The following CACNA1B variants were observed in gnomAD, a reference collection of about 807,000 sequenced individuals.
CACNA1B encodes the protein calcium voltage-gated channel subunit alpha1 B, also known as voltage-dependent N-type calcium channel subunit alpha-1B.
CACNA1B carries 70 observed loss-of-function variants against 247.2 expected under a neutral mutation model. That is an observed-to-expected ratio of 0.28 (90% CI 0.23 to 0.35). The LOEUF is 0.35. Ranked by LOEUF, CACNA1B falls within the 10% of genes least tolerant of loss-of-function variation. The probability of loss-of-function intolerance (pLI) is 1.00; values close to 1 mark genes in which losing one functional copy is unlikely to be tolerated. For missense variants in CACNA1B, 2,367 were observed against 3,197.4 expected (o/e 0.74, Z 6.26); for synonymous variants, 1,231 against 1,294.4 (o/e 0.95, Z 1.05).
intron 38 of CACNA1B, among the ~76,000 whole-genome samples, chr9:138,104,971 C>T (rs1961373588): frequency 6.6e-6 from 1 of 152,260 alleles, no homozygotes; most frequent in Non-Finnish European, 1.5e-5. Context: ...GGCTGTCCAC[C>T]TGAGAGGGAG....
rs183756655 is a variant in CACNA1B at position 138,095,136 on chromosome 9, T to G, written c.5095-1348T>G. 5.0e-3 allele frequency among the ~76,000 whole-genome samples: 758 copies of G among 152,344 alleles called. 8 individuals carry two copies. The highest frequency in any genetic ancestry group is 0.017 in the African/African-American group (718 of 41,586). On this transcript the variant is annotated intron_variant, in intron 36 of 46. Transcript: ENST00000371372. ...TAGACTACATCAAAATTTAAAATTT[T>G]TGTACGTCAAAGGACATTATCAAAT...
At chr9:137,901,804 C>T (rs1446634276) in intron 3 of CACNA1B, among the ~76,000 whole-genome samples, 1 of 151,674 alleles carries the variant, frequency 6.6e-6, no homozygotes, top group African/African-American at 2.4e-5. Context: ...ATTCTCCTGC[C>T]TCAGCCTCTT....
chr9:137,956,719 G>A (rs1400958753), intron 8 of CACNA1B, 52 bp from the exon 9 acceptor site: 3 of 1,539,916 alleles, frequency 1.9e-6, no homozygotes, highest in African/African-American at 1.4e-5. Flanking sequence ...TCTGTCCTGG[G>A]GCATTCCTGG....
chr9:137,983,083 G>T (rs955187431), intron 12 of CACNA1B, among the ~76,000 whole-genome samples: 2 of 152,216 alleles, frequency 1.3e-5, no homozygotes, highest in Admixed American at 6.5e-5. Flanking sequence ...CAGTGACTTC[G>T]TAAGAGCATT....
chr9:137,951,854 C>A (rs1342947964), intron 6 of CACNA1B, among the ~76,000 whole-genome samples: 1 of 152,224 alleles, frequency 6.6e-6, no homozygotes, highest in Non-Finnish European at 1.5e-5. Context: ...GGACTTGGGC[C>A]TGTGGGCCCC....
At chr9:137,956,738 G>A in intron 8 of CACNA1B, 33 bp from the exon 9 acceptor site, 4 of 1,602,148 alleles carry the variant, frequency 2.5e-6, no homozygotes, top group Non-Finnish European at 3.4e-6. Flanking sequence ...GGGGTCAGGA[G>A]GGCTCTGACC....
At chr9:137,924,098 GT>G (rs1418087284) in intron 6 of CACNA1B, among the ~76,000 whole-genome samples, 1 of 151,986 alleles carries the variant, frequency 6.6e-6, no homozygotes, top group African/African-American at 2.4e-5. Flanking sequence ...TGGAACAAAT[GT>G]TTTTAAAATT....
At chr9:138,074,734 G>A (rs1454517637) in intron 34 of CACNA1B, among the ~76,000 whole-genome samples, 3 of 152,248 alleles carry the variant, frequency 2.0e-5, no homozygotes, top group South Asian at 2.1e-4. Context: ...GTAGGGTGTC[G>A]GGGCACAGGT....
chr9:138,030,782 TGTA>T (rs1958979027), intron 20 of CACNA1B, among the ~76,000 whole-genome samples: 2 of 152,196 alleles, frequency 1.3e-5, no homozygotes, highest in South Asian at 4.1e-4. Context: ...TTGGATGAGT[TGTA>T]GTAGTTTGTG....
chr9:138,076,726 G>A (rs1157749973), intron 35 of CACNA1B, among the ~76,000 whole-genome samples: 1 of 152,208 alleles, frequency 6.6e-6, no homozygotes. Context: ...TATCACTCAC[G>A]AGCCTAGGAC....
chr9:137,918,960 C>A lies in CACNA1B; in HGVS notation c.966+1529C>A, dbSNP rs190113038. ...TCTCTCTCTGTAGCCAATCAAGGAA[C>A]AATTCCCACAAAGACAGACCCTAAA... On this transcript the variant is annotated intron_variant, in intron 6 of 46. Transcript: ENST00000371372. Among the ~76,000 whole-genome samples, 15 of 152,336 alleles carry A rather than the reference C, an allele frequency of 9.8e-5. No homozygotes were observed. The East Asian group carries it at 2.9e-3, about 29-fold the overall frequency.
chr9:138,052,958 G>A lies in CACNA1B; in HGVS notation c.3807+770G>A, dbSNP rs1564261075. Among the ~76,000 whole-genome samples the A allele has an allele frequency of 6.6e-6, 1 of 152,346 alleles. No individual in the cohort carries two copies. The highest frequency in any genetic ancestry group is 3.4e-3 in the Middle Eastern group (1 of 294). On this transcript the variant is annotated intron_variant, in intron 25 of 46. Coordinates refer to ENST00000371372, the MANE Select transcript of CACNA1B (RefSeq NM_000718.4). This position sits in a 1 kb window ranked among gnomAD's most constrained non-coding sequence, Gnocchi z 5.1. ...GCTAGATCAGAGCAGCCTGTGAGGT[G>A]TCTTCCCAGCTCTGAGAGCAGCATT...
chr9:138,061,577 C>T (rs1439535777), intron 31 of CACNA1B, among the ~76,000 whole-genome samples: 2 of 152,166 alleles, frequency 1.3e-5, no homozygotes, highest in East Asian at 3.9e-4. Context: ...AGTGGTGTTG[C>T]GTTAGATGAT....
At chr9:138,045,746 GGAAGTGGCAAGGGTT>G (rs1397057504) in intron 21 of CACNA1B, among the ~76,000 whole-genome samples, 1 of 152,192 alleles carries the variant, frequency 6.6e-6, no homozygotes, top group Non-Finnish European at 1.5e-5. Flanking sequence ...GAAAGGCAGG[GGAAGTGGCAAGGGTT>G]GAGGCAGCAG....
chr9:138,110,722 AC>A (rs1961597838), intron 39 of CACNA1B, among the ~76,000 whole-genome samples: 1 of 152,098 alleles, frequency 6.6e-6, no homozygotes, highest in Admixed American at 6.5e-5. Context: ...ACAGATTGAG[AC>A]CCTGTCTCAA....
chr9:138,023,161 G>A lies in CACNA1B; in HGVS notation c.2418G>A (p.Arg806=). Residue 806 remains arginine (R), a synonymous_variant, in exon 19 of 47, where the codon CGG becomes CGA. Transcript: ENST00000371372. Reference sequence around the variant, plus strand: ...GCTTCGCCACTACGCGCCACCTGCGGCCCGACATGAAGACGCACCTGGACC... The same window carrying A: ...GCTTCGCCACTACGCGCCACCTGCGACCCGACATGAAGACGCACCTGGACC... The part of the protein sequence containing the change: ...RLRFATTRHL[R]PDMKTHLDRP... The A allele has an allele frequency of 6.5e-7, 1 of 1,535,304 alleles. No individual in the cohort carries two copies. The highest frequency in any genetic ancestry group is 8.7e-7 in the Non-Finnish European group (1 of 1,148,852).
rs919026772 is a variant in CACNA1B at position 137,914,592 on chromosome 9, C to G, written c.623-62C>G. ...GTTCCTGCTGTTCTGTCCCTGCCCC[C>G]ACCAAATTCCTTGCCCTACCCTGCC... On this transcript the variant is annotated intron_variant, in intron 4 of 46. Transcript: ENST00000371372. The surrounding 1 kb of genome is among the most constrained non-coding windows in gnomAD (Gnocchi z 4.3). 61 of 1,443,026 alleles carry G rather than the reference C, an allele frequency of 4.2e-5. No individual in the cohort carries two copies. The highest frequency in any genetic ancestry group is 1.0e-4 in the Admixed American group (6 of 57,396). The allele number at this position is 1,443,026 out of a possible 1,614,324, so 89.4% of individuals were successfully genotyped here.
intron 18 of CACNA1B, among the ~76,000 whole-genome samples, chr9:138,015,843 T>G (rs1474917283): frequency 6.6e-6 from 1 of 152,198 alleles, no homozygotes; most frequent in Non-Finnish European, 1.5e-5. Context: ...GGACATGTCT[T>G]CCTGGTTCTC....
At chr9:138,013,030 T>C (rs1377810395) in intron 17 of CACNA1B, 99 bp from the exon 18 acceptor site, 1 of 865,412 alleles carries the variant, frequency 1.2e-6, no homozygotes, top group African/African-American at 1.7e-5. Flanking sequence ...CTGTGTATTT[T>C]TTGAGGCCCC....
Sources: gnomAD v4.1 joint callset for allele counts (sites outside exome capture counted in the v4.1 genomes callset) on GRCh38, gnomAD v4.1.1 for gene constraint, Gnocchi (gnomAD v3.1) non-coding constraint, MANE v1.5 for transcripts, NCBI Gene and HGNC (gene_info 2026-07-23, HGNC 2026-07-21) for gene names.